Variants in IP6K2 observed in about 807,000 individuals in gnomAD.
IP6K2 encodes inositol hexakisphosphate kinase 2, also known as ATP:1D-myo-inositol-hexakisphosphate phosphotransferase.
Under a neutral mutation model 43.3 loss-of-function variants are expected in IP6K2, and 9 were observed. That is an observed-to-expected ratio of 0.21 (90% CI 0.13 to 0.36). The LOEUF (loss-of-function observed/expected upper bound fraction) is 0.36, where lower values mean the gene tolerates loss of function less well. Among genes scored for constraint, IP6K2 ranks in the 10% least tolerant of loss-of-function variants. The pLI, the probability that IP6K2 is intolerant of heterozygous loss-of-function variation, is 1.00. For missense variants in IP6K2, 332 were observed against 538.4 expected (o/e 0.62, Z 3.79); for synonymous variants, 209 against 202.4 (o/e 1.03, Z -0.28).
chr3:48,716,516 G>C (rs1307285226), intron 1 of IP6K2: 1 of 152,194 alleles, frequency 6.6e-6, no homozygotes. Context: ...AAAGACAAAA[G>C]CGGTCTGTAA....
chr3:48,689,368 G>C (rs1232711253), intron 5 of IP6K2, among the ~76,000 whole-genome samples, 170 bp downstream of exon 5: 1 of 152,118 alleles, frequency 6.6e-6, no homozygotes, highest in African/African-American at 2.4e-5. Flanking sequence ...GCCTGGGCTG[G>C]TCTCTAACTC....
chr3:48,692,914 C>G, intron 3 of IP6K2, 40 bp downstream of exon 3: 3 of 1,470,562 alleles, frequency 2.0e-6, no homozygotes, highest in Non-Finnish European at 2.8e-6. Flanking sequence ...CAACACTTCC[C>G]CTCCCACATA....
intron 1 of IP6K2, chr3:48,708,035 G>GT (rs1308682398): frequency 6.6e-6 from 1 of 152,076 alleles, no homozygotes; most frequent in East Asian, 1.9e-4. Flanking sequence ...AGAAATATGT[G>GT]TATCACCAGC....
In IP6K2 at chr3:48,695,195, G is replaced by A. The variant is rs375230535; in HGVS notation, c.97C>T (p.Leu33Phe). 11 of 1,587,464 alleles carry A rather than the reference G, an allele frequency of 6.9e-6. No individual in the cohort carries two copies. The African/African-American group carries it at 1.5e-4, about 21-fold the overall frequency. ...VHQVGGHSCV[L>F]RFNETTLCKP... Reference sequence around the variant, plus strand: ...CACAGGGTTGTCTCATTGAAGCGGAGCACGCATGAGTGCCCCCCGACCTGG... The same window carrying A: ...CACAGGGTTGTCTCATTGAAGCGGAACACGCATGAGTGCCCCCCGACCTGG... The change falls in exon 2 of 6, where the codon CTC becomes TTC. Residue 33 changes from leucine (L) to phenylalanine (F), a missense_variant. Physicochemically the swap from Leu to Phe is conservative, Grantham distance 22. Coordinates refer to ENST00000328631, the MANE Select transcript of IP6K2 (RefSeq NM_016291.4). The surrounding 1 kb of genome is among the most constrained non-coding windows in gnomAD (Gnocchi z 4.6).
chr3:48,693,464 A>C (rs886850755), intron 2 of IP6K2: 1 of 1,347,588 alleles, frequency 7.4e-7, no homozygotes, highest in South Asian at 1.5e-5. Flanking sequence ...CATCATTGAA[A>C]ATGTTTATTA....
chr3:48,699,579 C>A (rs1211762981), intron 1 of IP6K2: 2 of 152,182 alleles, frequency 1.3e-5, no homozygotes, highest in Admixed American at 1.3e-4. Context: ...TTGGGAAAAT[C>A]ATCATCATTT....
At chr3:48,715,345 C>A in intron 1 of IP6K2, 1 of 1,536,148 alleles carries the variant, frequency 6.5e-7, no homozygotes, top group Non-Finnish European at 8.7e-7. Context: ...GAGGTTCAGG[C>A]TCATCCCTGT....
chr3:48,694,145 G>A (rs1325258908), intron 2 of IP6K2: 1 of 1,538,552 alleles, frequency 6.5e-7, no homozygotes, highest in African/African-American at 1.4e-5. Context: ...CCGGGGTGGG[G>A]TATTCAGGCC....
intron 2 of IP6K2, chr3:48,693,962 G>A (rs1468020436): frequency 9.5e-6 from 13 of 1,372,012 alleles, no homozygotes; most frequent in Non-Finnish European, 1.2e-5. Flanking sequence ...AGGTGGGGGC[G>A]TTTCAGCAGG....
At chr3:48,710,552 G>A (rs2080366328) in intron 1 of IP6K2, among the ~76,000 whole-genome samples, 1 of 152,054 alleles carries the variant, frequency 6.6e-6, no homozygotes, top group South Asian at 2.1e-4. Flanking sequence ...CATCCTAGGG[G>A]TCCTGTCCCT....
At chr3:48,704,948 A>ATT (rs971625853) in intron 1 of IP6K2, among the ~76,000 whole-genome samples, 1 of 144,774 alleles carries the variant, frequency 6.9e-6, no homozygotes, top group African/African-American at 2.5e-5. Context: ...AATTTTTCTA[A>ATT]TTTTTTTTTT....
At chr3:48,690,780 T>A (rs2077700952) in intron 4 of IP6K2, among the ~76,000 whole-genome samples, 1 of 130,682 alleles carries the variant, frequency 7.7e-6, no homozygotes, top group Non-Finnish European at 1.6e-5. Context: ...CGAGCAAGAC[T>A]CTGTCTCAAA....
intron 1 of IP6K2, among the ~76,000 whole-genome samples, chr3:48,706,231 A>G (rs549905407): frequency 7.9e-5 from 12 of 152,208 alleles, no homozygotes; most frequent in Non-Finnish European, 1.2e-4. Context: ...CCAAGACAGT[A>G]GGATCACTTG....
chr3:48,693,762 C>G, intron 2 of IP6K2: 1 of 1,036,346 alleles, frequency 9.6e-7, no homozygotes, highest in Non-Finnish European at 1.2e-6. Context: ...GGCACCCAGG[C>G]CTTTTGTTCT....
At position 48,698,017 on chromosome 3, in the gene IP6K2, A is replaced by G. The variant is rs577072722; in HGVS notation, c.-130-2596T>C. On this transcript the variant is annotated intron_variant, in intron 1 of 5. Transcript: ENST00000328631. ...AAACCTAAGGTTCTGATTACTTGGC[A>G]CTACCTTCTCATCACCACAAAAGCC... 2.0e-5 allele frequency among the ~76,000 whole-genome samples: 3 copies of G among 152,320 alleles called. No individual in the cohort carries two copies. In the South Asian group the frequency reaches 6.2e-4, roughly 32 times the overall value.
rs2077934885 is a variant in IP6K2, at chr3:48,692,969, T to TCTTTACGGTGCTGACGCACCCAGTC, written c.388_412dup (p.Glu138GlyfsTer8). On this transcript the variant is annotated stop_gained and frameshift_variant, in exon 3 of 6. Coordinates refer to ENST00000328631, the MANE Select transcript of IP6K2 (RefSeq NM_016291.4). LOFTEE classifies it high-confidence loss of function. ...CTACACTCACCTCTTCATTTTCTCC[T>TCTTTACGGTGCTGACGCACCCAGTC]CTTTACGGTGCTGACGCACCCAGTC... 1 of 1,612,566 alleles carries TCTTTACGGTGCTGACGCACCCAGTC rather than the reference T, an allele frequency of 6.2e-7. No individual in the cohort carries two copies. Among genetic ancestry groups the TCTTTACGGTGCTGACGCACCCAGTC allele is most frequent in the Non-Finnish European group, 8.5e-7 (1 of 1,179,354 alleles).
intron 3 of IP6K2, 41 bp downstream of exon 3, chr3:48,692,913 C>T: frequency 6.8e-7 from 1 of 1,461,334 alleles, no homozygotes; most frequent in East Asian, 2.3e-5. Context: ...CCAACACTTC[C>T]CCTCCCACAT....
At chr3:48,714,378 CT>C (rs968764698) in intron 1 of IP6K2, among the ~76,000 whole-genome samples, 62 of 150,022 alleles carry the variant, frequency 4.1e-4, no homozygotes, top group African/African-American at 1.5e-3. Context: ...TTTCTTTTTC[CT>C]TTTTTTTGTG....
In IP6K2 at chr3:48,714,702, T is replaced by C. The variant is rs2080979493; in HGVS notation, c.-131+2455A>G. Among the ~76,000 whole-genome samples, 3 of 152,236 alleles carry C rather than the reference T, an allele frequency of 2.0e-5. No individual in the cohort carries two copies. In the South Asian group the frequency reaches 6.2e-4, roughly 32 times the overall value. ...CACCAAGCCTGGCCCTGGCCCTTTCTTTCTTTAAAAGGTAGGGCAGGCCAG... is the reference window on the plus strand; with the variant it reads ...CACCAAGCCTGGCCCTGGCCCTTTCCTTCTTTAAAAGGTAGGGCAGGCCAG... On this transcript the variant is annotated intron_variant, in intron 1 of 5. Transcript: ENST00000328631.
Sources: allele counts gnomAD v4.1 joint callset (sites outside exome capture counted in the v4.1 genomes callset), GRCh38; gene constraint gnomAD v4.1.1; non-coding constraint Gnocchi (gnomAD v3.1); transcripts MANE v1.5; gene names NCBI Gene and HGNC (gene_info 2026-07-23, HGNC 2026-07-21).